Variants in DOCK7 observed in about 807,000 individuals in gnomAD.
The protein encoded by DOCK7 is dedicator of cytokinesis 7.
Under a neutral mutation model 271.0 loss-of-function variants are expected in DOCK7, and 138 were observed. That is an observed-to-expected ratio of 0.51 (90% CI 0.44 to 0.59). The LOEUF (loss-of-function observed/expected upper bound fraction) is 0.59, where lower values mean the gene tolerates loss of function less well. Ranked by LOEUF, DOCK7 falls within the 20% of genes least tolerant of loss-of-function variation. The probability of loss-of-function intolerance (pLI) is 0.00; values close to 1 mark genes in which losing one functional copy is unlikely to be tolerated. For synonymous variants in DOCK7, 823 were observed against 876.1 expected, an observed-to-expected ratio of 0.94 and a Z score of 1.07; for missense variants, 2,066 against 2,592.4, an observed-to-expected ratio of 0.80 and a Z score of 4.41.
intron 19 of DOCK7, 143 bp downstream of exon 19, chr1:62,561,474 T>C: frequency 1.3e-5 from 5 of 399,372 alleles, no homozygotes; most frequent in Non-Finnish European, 2.2e-5. Flanking sequence ...CTAAATATTG[T>C]ATGTTTTTAA....
chr1:62,465,923 T>A (rs1048546362), intron 48 of DOCK7, among the ~76,000 whole-genome samples: 1 of 152,182 alleles, frequency 6.6e-6, no homozygotes, highest in Non-Finnish European at 1.5e-5. Context: ...GAAAAGTGTA[T>A]CTGTAGATTA....
At chr1:62,560,735 A>T (rs1287260846) in intron 19 of DOCK7, among the ~76,000 whole-genome samples, 1 of 152,140 alleles carries the variant, frequency 6.6e-6, no homozygotes, top group Non-Finnish European at 1.5e-5. Flanking sequence ...CCTTTCTCTG[A>T]GTAGTAAATG....
chr1:62,533,096 CG>C (rs1331245970), intron 29 of DOCK7, among the ~76,000 whole-genome samples: 1 of 152,068 alleles, frequency 6.6e-6, no homozygotes, highest in African/African-American at 2.4e-5. Context: ...TTTATCCGTT[CG>C]GAGCCCCCCC....
At chr1:62,652,249 T>C (rs1380123811) in intron 4 of DOCK7, among the ~76,000 whole-genome samples, 2 of 152,178 alleles carry the variant, frequency 1.3e-5, no homozygotes, top group African/African-American at 4.8e-5. Flanking sequence ...ATCTTCTCCT[T>C]AGATTATTCT....
chr1:62,464,789 C>T (rs895856701), intron 48 of DOCK7, among the ~76,000 whole-genome samples: 1 of 152,056 alleles, frequency 6.6e-6, no homozygotes, highest in African/African-American at 2.4e-5. Context: ...GTTAATACAG[C>T]TGACCATTTA....
intron 18 of DOCK7, 54 bp from the exon 19 acceptor site, chr1:62,561,757 G>T: frequency 1.8e-6 from 2 of 1,137,476 alleles, no homozygotes; most frequent in Non-Finnish European, 2.5e-6. Flanking sequence ...TATGAACTCT[G>T]AAAATAAACA....
chr1:62,493,180 ACTCT>A (rs1260796724), intron 40 of DOCK7, among the ~76,000 whole-genome samples: 1 of 152,100 alleles, frequency 6.6e-6, no homozygotes, highest in Non-Finnish European at 1.5e-5. Flanking sequence ...TCTTTTCAAA[ACTCT>A]CTGTAAAGGA....
At chr1:62,539,441 T>G in intron 27 of DOCK7, 104 bp downstream of exon 27, 1 of 925,146 alleles carries the variant, frequency 1.1e-6, no homozygotes, top group African/African-American at 1.7e-5. Flanking sequence ...TGTTTTAACA[T>G]CAGTATATAA....
At position 62,577,311 on chromosome 1, in the gene DOCK7, G is replaced by A. The variant is rs1438537333; in HGVS notation, c.2063C>T (p.Pro688Leu). 3 of 1,592,132 alleles carry A rather than the reference G, an allele frequency of 1.9e-6. No individual in the cohort carries two copies. The Admixed American group carries it at 5.0e-5, about 27-fold the overall frequency. The change falls in exon 18 of 50, where the codon CCA (proline) becomes CTA (leucine). Residue 688 changes from proline to leucine, a missense_variant. This residue lies in a region of DOCK7 where 1,414 missense variants were observed against 1,670.4 expected (regional missense o/e 0.85). Coordinates refer to ENST00000635253, the MANE Select transcript of DOCK7 (RefSeq NM_001367561.1). ...CTGTGGTGGTTTTTCCAATGAGACT[G>A]GCAAGCAAAACTGGCCAGTCTTCAA... is the stretch of plus-strand genomic sequence containing the variant. ...GRLKTGQFCL[P>L]VSLEKPPQAY...
intron 37 of DOCK7, among the ~76,000 whole-genome samples, chr1:62,501,043 TA>T (rs1428580895): frequency 6.9e-6 from 1 of 145,482 alleles, no homozygotes; most frequent in African/African-American, 2.5e-5. Context: ...TCTCTATTTT[TA>T]AAAGGGGGGG....
intron 31 of DOCK7, among the ~76,000 whole-genome samples, chr1:62,527,410 C>T (rs973709759): frequency 2.0e-5 from 3 of 152,026 alleles, no homozygotes; most frequent in Admixed American, 1.3e-4. Context: ...AAGACACATG[C>T]ACACGTATGT....
intron 23 of DOCK7, 116 bp downstream of exon 23, chr1:62,544,831 C>T: frequency 1.3e-6 from 1 of 744,476 alleles, no homozygotes; most frequent in East Asian, 2.9e-5. Flanking sequence ...AACAAAAATA[C>T]ACACTTTTTA....
At chr1:62,613,652 A>C (rs560888163) in intron 14 of DOCK7, among the ~76,000 whole-genome samples, 24 of 152,266 alleles carry the variant, frequency 1.6e-4, no homozygotes, top group Non-Finnish European at 2.8e-4. Flanking sequence ...GGTGTATAGG[A>C]AATCTGTCAC....
chr1:62,521,462 G>C (rs372064218), intron 31 of DOCK7, among the ~76,000 whole-genome samples: 111 of 152,202 alleles, frequency 7.3e-4, no homozygotes, highest in African/African-American at 2.5e-3. Flanking sequence ...AGGGTCAACA[G>C]TGCCACCATA....
chr1:62,477,898 A>G (rs1231857081), intron 43 of DOCK7, 73 bp from the exon 44 acceptor site: 1 of 1,446,902 alleles, frequency 6.9e-7, no homozygotes, highest in Non-Finnish European at 9.1e-7. Flanking sequence ...TTATGTTTAG[A>G]TTGTTACAGC....
chr1:62,592,957 T>C (rs76230753), intron 14 of DOCK7, among the ~76,000 whole-genome samples: 2,334 of 152,264 alleles, frequency 0.015, 64 homozygotes, highest in African/African-American at 0.053. Flanking sequence ...CTGTTTATAA[T>C]TAGAAAATTG....
intron 7 of DOCK7, chr1:62,638,272 T>C (rs1312309259): frequency 1.3e-5 from 2 of 152,172 alleles, no homozygotes; most frequent in African/African-American, 4.8e-5. Flanking sequence ...TATCTTCTCT[T>C]GCGCCTTTCG....
chr1:62,626,736 T>C (rs897803328), intron 11 of DOCK7, among the ~76,000 whole-genome samples: 3 of 151,758 alleles, frequency 2.0e-5, no homozygotes, highest in African/African-American at 7.3e-5. Flanking sequence ...CTAAAACAAG[T>C]AAAGAGATCG....
intron 3 of DOCK7, 44 bp downstream of exon 3, chr1:62,653,940 T>C (rs1030731552): frequency 1.3e-6 from 2 of 1,585,630 alleles, no homozygotes; most frequent in Non-Finnish European, 1.7e-6. Flanking sequence ...AGGTAGCCTT[T>C]CTATAGTTCC....
Sources: allele counts gnomAD v4.1 joint callset (sites outside exome capture counted in the v4.1 genomes callset), GRCh38; gene constraint gnomAD v4.1.1; regional missense constraint gnomAD v4.1.1; transcripts MANE v1.5; gene names NCBI Gene and HGNC (gene_info 2026-07-23, HGNC 2026-07-21).